The following KIF18A variants were observed in gnomAD, a reference collection of about 807,000 sequenced individuals.
The protein encoded by KIF18A is kinesin-like protein KIF18A.
A neutral mutation model predicts 103.3 loss-of-function variants in KIF18A; 67 were observed. The observed-to-expected ratio is 0.65, with a 90% CI of 0.53 to 0.79. KIF18A has a LOEUF of 0.79. Ranked by LOEUF, KIF18A falls within the 30% of genes least tolerant of loss-of-function variation. The probability of loss-of-function intolerance (pLI) is 0.00; values close to 1 mark genes in which losing one functional copy is unlikely to be tolerated. For synonymous variants in KIF18A, 367 were observed against 355.5 expected (o/e 1.03, Z -0.36); for missense variants, 1,032 against 1,062.5 (o/e 0.97, Z 0.40).
intron 8 of KIF18A, 66 bp from the exon 9 acceptor site, chr11:28,083,034 G>T: frequency 6.9e-7 from 1 of 1,441,502 alleles, no homozygotes; most frequent in Non-Finnish European, 9.4e-7. Context: ...GCCAAATTTA[G>T]CTGTAAAAAA....
intron 13 of KIF18A, among the ~76,000 whole-genome samples, chr11:28,038,897 C>T (rs1192444121): frequency 6.6e-6 from 1 of 151,708 alleles, no homozygotes; most frequent in Admixed American, 6.6e-5. Flanking sequence ...AAGACAGTTA[C>T]TTTTCTCCAC....
At chr11:28,096,303 T>C (rs1016650846) in intron 2 of KIF18A, among the ~76,000 whole-genome samples, 2 of 152,050 alleles carry the variant, frequency 1.3e-5, no homozygotes, top group African/African-American at 2.4e-5. Context: ...GTTGAAAATA[T>C]TTTTATAAAT....
chr11:28,094,540 G>T, intron 3 of KIF18A, 103 bp downstream of exon 3: 17 of 801,032 alleles, frequency 2.1e-5, no homozygotes, highest in African/African-American at 3.6e-5. Flanking sequence ...GAATTTTAAT[G>T]ATTTTATATA....
At chr11:28,036,690 C>T in intron 13 of KIF18A, 26 bp from the exon 14 acceptor site, 7 of 1,408,318 alleles carry the variant, frequency 5.0e-6, no homozygotes, top group Non-Finnish European at 6.7e-6. Flanking sequence ...AAAAAAGACA[C>T]TCGATAATGT....
chr11:28,082,827 T>G, intron 9 of KIF18A, 29 bp downstream of exon 9: 1 of 1,353,926 alleles, frequency 7.4e-7, no homozygotes, highest in Non-Finnish European at 1.0e-6. Context: ...AATAAATTCC[T>G]CAAAATTAGA....
rs1477439281 is a variant in KIF18A at position 28,059,027 on chromosome 11, C to A, written c.1847G>T (p.Trp616Leu). The A allele has an allele frequency of 1.9e-6, 3 of 1,614,040 alleles. No homozygotes were observed. The highest frequency in any genetic ancestry group is 2.5e-6 in the Non-Finnish European group (3 of 1,179,978). ...TGGTTGTTCGGCAGTTTGGTCAGCC[C>A]AAACTACCACTTTTTTCCTCTCTAC... Reference protein sequence around the residue: ...HLVERKKVVVWADQTAEQPKQ... With the variant: ...HLVERKKVVVLADQTAEQPKQ... The change falls in exon 13 of 17, where the codon TGG becomes TTG. Residue 616 changes from tryptophan (W) to leucine (L), a missense_variant. Trp to Leu is a moderately conservative substitution (Grantham distance 61). Coordinates refer to ENST00000263181, the MANE Select transcript of KIF18A (RefSeq NM_031217.4).
rs111722579 is a variant in KIF18A, at chr11:28,097,868, G to T, written c.80C>A (p.Ala27Glu). Reference sequence around the variant, plus strand: ...ATGAACCACTTTATGAAATCCAGCTGCTTTTTCTTTAGTGTTTTCCGGACG... The same window carrying T: ...ATGAACCACTTTATGAAATCCAGCTTCTTTTTCTTTAGTGTTTTCCGGACG... ...RVRPENTKEK[A>E]AGFHKVVHVV... The change falls in exon 2 of 17, where the codon GCA becomes GAA. Residue 27 changes from alanine (A) to glutamate (E), a missense_variant. Coordinates refer to ENST00000263181, the MANE Select transcript of KIF18A (RefSeq NM_031217.4). The T allele has an allele frequency of 9.3e-6, 15 of 1,611,222 alleles. No individual in the cohort carries two copies. Among genetic ancestry groups the T allele is most frequent in the African/African-American group, 6.7e-5 (5 of 74,678 alleles).
At chr11:28,024,396 A>T (rs1471990567) in intron 15 of KIF18A, among the ~76,000 whole-genome samples, 1 of 152,090 alleles carries the variant, frequency 6.6e-6, no homozygotes, top group East Asian at 1.9e-4. Context: ...TCAAAAATTT[A>T]ATCAGTCTTA....
At chr11:28,102,052 C>T (rs988765293) in intron 1 of KIF18A, among the ~76,000 whole-genome samples, 6 of 152,136 alleles carry the variant, frequency 3.9e-5, no homozygotes, top group Non-Finnish European at 8.8e-5. Flanking sequence ...ACTTGCCAAG[C>T]CTTGAAATTG....
At chr11:28,025,776 A>G (rs1287581943) in intron 15 of KIF18A, among the ~76,000 whole-genome samples, 1 of 151,970 alleles carries the variant, frequency 6.6e-6, no homozygotes, top group Non-Finnish European at 1.5e-5. Flanking sequence ...ATCCAAAGAC[A>G]CTTCCAGTTG....
chr11:28,103,721 CACTT>C (rs1437315359), intron 1 of KIF18A, among the ~76,000 whole-genome samples: 1 of 151,862 alleles, frequency 6.6e-6, no homozygotes, highest in African/African-American at 2.4e-5. Context: ...GCAATTTACT[CACTT>C]AGAGTAGAAG....
At position 28,021,295 on chromosome 11, in the gene KIF18A, TA is replaced by T; in HGVS notation, c.2615-14del. 7.2e-7 allele frequency: 1 copy of T among 1,385,378 alleles called. No individual in the cohort carries two copies. Among genetic ancestry groups the T allele is most frequent in the Non-Finnish European group, 9.5e-7 (1 of 1,056,228 alleles). 85.8% of individuals were successfully genotyped at this position (1,385,378 alleles called of 1,614,324 possible). A position where few individuals can be genotyped will look rare whatever the true frequency, so the allele number is the denominator to read the frequency against. ...TTTCTTTTATGTTCTAGAGAAGAAA[TA>T]AAAAGATGCATAAATATGGCATAAA... On this transcript the variant is annotated splice_polypyrimidine_tract_variant and intron_variant, in intron 16 of 16. Transcript: ENST00000263181.
intron 3 of KIF18A, among the ~76,000 whole-genome samples, chr11:28,094,175 A>T (rs1851337533): frequency 1.3e-5 from 2 of 152,312 alleles, no homozygotes; most frequent in South Asian, 4.1e-4. Flanking sequence ...TAACAACTGA[A>T]TACAATTTTC....
At chr11:28,044,795 T>C (rs1219655070) in intron 13 of KIF18A, among the ~76,000 whole-genome samples, 1 of 152,112 alleles carries the variant, frequency 6.6e-6, no homozygotes, top group African/African-American at 2.4e-5. Flanking sequence ...TTTTCATCAA[T>C]AACCCAGGTT....
At chr11:28,074,537 T>C (rs1209060368) in intron 10 of KIF18A, among the ~76,000 whole-genome samples, 1 of 152,134 alleles carries the variant, frequency 6.6e-6, no homozygotes, top group East Asian at 1.9e-4. Context: ...AATAAATATA[T>C]TACTAATTTT....
intron 2 of KIF18A, 87 bp downstream of exon 2, chr11:28,097,536 T>G: frequency 1.2e-6 from 1 of 856,970 alleles, no homozygotes; most frequent in Non-Finnish European, 2.0e-6. Flanking sequence ...TTAAATTTGA[T>G]TATATTTAGA....
chr11:28,101,213 A>G (rs1214221692), intron 1 of KIF18A, among the ~76,000 whole-genome samples: 1 of 152,108 alleles, frequency 6.6e-6, no homozygotes, highest in Non-Finnish European at 1.5e-5. Flanking sequence ...TGTCTATTAA[A>G]GGCCAGCAGT....
At chr11:28,056,935 C>T in intron 13 of KIF18A, 1 of 389,480 alleles carries the variant, frequency 2.6e-6, no homozygotes, top group East Asian at 1.2e-4. Flanking sequence ...TAATAAACAC[C>T]AGATCCCAAG....
chr11:28,034,090 A>G (rs1198363438), intron 15 of KIF18A, among the ~76,000 whole-genome samples: 1 of 151,794 alleles, frequency 6.6e-6, no homozygotes, highest in Non-Finnish European at 1.5e-5. Flanking sequence ...TCATCTCAGT[A>G]AATTCTATAT....
Sources: gnomAD v4.1 joint callset for allele counts (sites outside exome capture counted in the v4.1 genomes callset) on GRCh38, gnomAD v4.1.1 for gene constraint, MANE v1.5 for transcripts, NCBI Gene and HGNC (gene_info 2026-07-23, HGNC 2026-07-21) for gene names.